The following TMEM17 variants were observed in gnomAD, a reference collection of about 807,000 sequenced individuals.
The protein encoded by TMEM17 is transmembrane protein 17.
TMEM17 carries 15 observed loss-of-function variants against 19.1 expected under a neutral mutation model. That is an observed-to-expected ratio of 0.78 (90% CI 0.52 to 1.21). The LOEUF is 1.21. Ranked by LOEUF, TMEM17 falls within the 50% of genes most tolerant of loss-of-function variation. The pLI, the probability that TMEM17 is intolerant of heterozygous loss-of-function variation, is 0.00. For missense variants in TMEM17, 245 were observed against 242.3 expected, an observed-to-expected ratio of 1.01 and a Z score of -0.07; for synonymous variants, 103 against 86.9, an observed-to-expected ratio of 1.19 and a Z score of -1.03.
At chr2:62,495,686 T>C (rs1407371979), downstream of TMEM17, among the ~76,000 whole-genome samples, 1 of 152,238 alleles carries the variant, frequency 6.6e-6, no homozygotes, top group African/African-American at 2.4e-5. Flanking sequence ...TCTGCCTCCA[T>C]GCCTACTTTG....
chr2:62,465,465 A>C, the TMEM17 span, among the ~76,000 whole-genome samples: 1 of 152,214 alleles, frequency 6.6e-6, no homozygotes, highest in Non-Finnish European at 1.5e-5. Flanking sequence ...CTTCAAAATG[A>C]AAAGTTTCTT....
the TMEM17 span, among the ~76,000 whole-genome samples, chr2:62,483,852 C>T: frequency 1.3e-5 from 2 of 152,084 alleles, no homozygotes; most frequent in South Asian, 4.1e-4. Context: ...CCACCTGCCT[C>T]GGCCTCCCAA....
chr2:62,490,001 C>T, the TMEM17 span, among the ~76,000 whole-genome samples: 1 of 151,928 alleles, frequency 6.6e-6, no homozygotes, highest in Non-Finnish European at 1.5e-5. Context: ...ACAGTGAAAC[C>T]CTGTCTCTAG....
chr2:62,473,267 G>T, the TMEM17 span, among the ~76,000 whole-genome samples: 1 of 152,142 alleles, frequency 6.6e-6, no homozygotes, highest in Non-Finnish European at 1.5e-5. Flanking sequence ...GAAAACTAAG[G>T]TACTGGGAGG....
chr2:62,470,470 C>T, the TMEM17 span, among the ~76,000 whole-genome samples: 7 of 152,344 alleles, frequency 4.6e-5, no homozygotes, highest in African/African-American at 1.4e-4. Flanking sequence ...CAGATTTGGG[C>T]TCATGCCACA....
At chr2:62,483,403 C>A in the TMEM17 span, among the ~76,000 whole-genome samples, 3 of 152,136 alleles carry the variant, frequency 2.0e-5, no homozygotes, top group Admixed American at 2.0e-4. Flanking sequence ...TAGGAAAAGG[C>A]AAGCAAAGCA....
chr2:62,479,556 T>C, the TMEM17 span, among the ~76,000 whole-genome samples: 2 of 152,144 alleles, frequency 1.3e-5, no homozygotes, highest in Admixed American at 6.5e-5. Flanking sequence ...GGTGTGGATG[T>C]CTCTGATATA....
At chr2:62,456,349 G>A in the TMEM17 span, among the ~76,000 whole-genome samples, 1 of 152,188 alleles carries the variant, frequency 6.6e-6, no homozygotes, top group African/African-American at 2.4e-5. Context: ...TGCATTCTTT[G>A]GCTCTTGGCC....
At chr2:62,473,849 A>G in the TMEM17 span, among the ~76,000 whole-genome samples, 4,609 of 152,296 alleles carry the variant, frequency 0.03, 101 homozygotes, top group Middle Eastern at 0.088. Context: ...TGCTTTGGAA[A>G]CTTTCAGAAG....
At chr2:62,468,485 T>C in the TMEM17 span, among the ~76,000 whole-genome samples, 7 of 152,230 alleles carry the variant, frequency 4.6e-5, no homozygotes, top group African/African-American at 1.4e-4. Context: ...GGAATTACAG[T>C]TGGGGTCCTG....
the TMEM17 span, among the ~76,000 whole-genome samples, chr2:62,466,716 G>A: frequency 4.6e-5 from 7 of 152,328 alleles, no homozygotes; most frequent in African/African-American, 1.7e-4. Context: ...CTGCAGCCTG[G>A]CAGGGCTTTG....
At chr2:62,475,906 CG>C in the TMEM17 span, among the ~76,000 whole-genome samples, 3,404 of 152,224 alleles carry the variant, frequency 0.022, 137 homozygotes, top group African/African-American at 0.078. Context: ...TGGATGGGGG[CG>C]GGGAGGCAGT....
Position 62,501,001 on chromosome 2 carries a change from T to A in TMEM17, c.*208A>T. The stretch of plus-strand genomic sequence containing the variant: ...TCAAAAAAAATTAAGAAATTTGGCA[T>A]CAGGTGGACAACATCTAGGTTTTAG... On this transcript the variant is annotated 3_prime_UTR_variant, in exon 4 of 4. Transcript: ENST00000335390. The A allele has an allele frequency of 4.7e-6, 2 of 425,728 alleles. No individual in the cohort carries two copies. The allele number at this position is 425,728 out of a possible 1,614,324, so 26.4% of individuals were successfully genotyped here.
chr2:62,480,020 C>T, the TMEM17 span, among the ~76,000 whole-genome samples: 28 of 151,960 alleles, frequency 1.8e-4, no homozygotes, highest in East Asian at 4.6e-3. Context: ...TATTAGTTTA[C>T]CCACTGACAG....
intron 1 of TMEM17, among the ~76,000 whole-genome samples, chr2:62,504,120 C>T (rs2103734240): frequency 6.6e-6 from 1 of 152,294 alleles, no homozygotes; most frequent in South Asian, 2.1e-4. Context: ...TTATCTGTCA[C>T]TTAATTATTT....
At chr2:62,454,115 T>A in the TMEM17 span, among the ~76,000 whole-genome samples, 9 of 152,230 alleles carry the variant, frequency 5.9e-5, no homozygotes, top group Non-Finnish European at 1.0e-4. Context: ...TAAATGGGAT[T>A]GGCAGCTCTG....
the TMEM17 span, among the ~76,000 whole-genome samples, chr2:62,466,484 T>C: frequency 6.6e-6 from 1 of 152,112 alleles, no homozygotes; most frequent in African/African-American, 2.4e-5. Flanking sequence ...CTTGCTATGT[T>C]CAGAGAGGTG....
At chr2:62,476,937 C>CCCCA in the TMEM17 span, among the ~76,000 whole-genome samples, 4 of 152,058 alleles carry the variant, frequency 2.6e-5, no homozygotes. Context: ...GAGAGTTGAG[C>CCCCA]CCCAGATAAG....
the TMEM17 span, among the ~76,000 whole-genome samples, chr2:62,480,594 T>G: frequency 2.6e-5 from 4 of 152,180 alleles, no homozygotes; most frequent in African/African-American, 4.8e-5. Flanking sequence ...AAGGGTGAGA[T>G]GTAGGGGTCT....
Sources: allele counts gnomAD v4.1 joint callset (sites outside exome capture counted in the v4.1 genomes callset), GRCh38; gene constraint gnomAD v4.1.1; transcripts MANE v1.5; gene names NCBI Gene and HGNC (gene_info 2026-07-23, HGNC 2026-07-21).